IARS1: variants seen among roughly 807,000 people sequenced by gnomAD.
IARS1 encodes the protein isoleucine--tRNA ligase, cytoplasmic.
IARS1 carries 124 observed loss-of-function variants against 168.2 expected under a neutral mutation model. That is an observed-to-expected ratio of 0.74 (90% CI 0.64 to 0.86). IARS1 has a LOEUF of 0.86. Ranked by LOEUF, IARS1 falls within the 40% of genes least tolerant of loss-of-function variation. IARS1 has a pLI of 0.00. For synonymous variants in IARS1, 532 were observed against 529.4 expected, an observed-to-expected ratio of 1.00 and a Z score of -0.07; for missense variants, 1,452 against 1,515.8, an observed-to-expected ratio of 0.96 and a Z score of 0.70.
chr9:92,212,382 AT>A, intron 33 of IARS1, among the ~76,000 whole-genome samples: 1 of 152,384 alleles, frequency 6.6e-6, no homozygotes, highest in South Asian at 2.1e-4. Context: ...ATCACTAAAC[AT>A]TTAAAAGTTC....
intron 30 of IARS1, among the ~76,000 whole-genome samples, chr9:92,239,317 T>C (rs1004065518): frequency 2.0e-5 from 3 of 152,198 alleles, no homozygotes; most frequent in Non-Finnish European, 1.5e-5. Flanking sequence ...CTGATTGATA[T>C]GGAATTCTTG....
chr9:92,258,780 T>TC, intron 19 of IARS1, 74 bp downstream of exon 19: 2 of 1,441,688 alleles, frequency 1.4e-6, no homozygotes, highest in Admixed American at 2.4e-5. Context: ...CACACAGAGC[T>TC]CCACCTCACA....
intron 26 of IARS1, among the ~76,000 whole-genome samples, chr9:92,245,539 T>C (rs1251653286): frequency 6.6e-6 from 1 of 152,200 alleles, no homozygotes; most frequent in South Asian, 2.1e-4. Context: ...CTGAGCATCA[T>C]GCCTGTTCAG....
intron 26 of IARS1, among the ~76,000 whole-genome samples, chr9:92,245,873 T>C (rs1349923729): frequency 1.3e-5 from 2 of 151,886 alleles, no homozygotes; most frequent in African/African-American, 4.8e-5. Context: ...TTCACGCCAT[T>C]CCCCGGCCTC....
chr9:92,255,030 A>G (rs1396410518), intron 20 of IARS1, among the ~76,000 whole-genome samples: 1 of 152,150 alleles, frequency 6.6e-6, no homozygotes, highest in Non-Finnish European at 1.5e-5. Flanking sequence ...TGTATCACTC[A>G]GGAGGGAAAA....
At chr9:92,272,755 G>A (rs960856957) in intron 10 of IARS1, among the ~76,000 whole-genome samples, 1 of 151,892 alleles carries the variant, frequency 6.6e-6, no homozygotes, top group Non-Finnish European at 1.5e-5. Context: ...GCAGGCTGAG[G>A]CAGGAGAATC....
At position 92,277,052 on chromosome 9, in the gene IARS1, A is replaced by AAAAC. The variant is rs147342512; in HGVS notation, c.894+807_894+810dup. On this transcript the variant is annotated intron_variant, in intron 9 of 33. Coordinates refer to ENST00000443024, the MANE Select transcript of IARS1 (RefSeq NM_002161.6). The stretch of plus-strand genomic sequence containing the variant: ...CTGTGATTACTATCTTAACTTTGTC[A>AAAAC]AAACAAACAAACAAACAAAAACCTC... Among the ~76,000 whole-genome samples, 8 of 152,290 alleles carry AAAAC rather than the reference A, an allele frequency of 5.3e-5. No homozygotes were observed. The East Asian group carries it at 7.7e-4, about 15-fold the overall frequency.
intron 30 of IARS1, among the ~76,000 whole-genome samples, chr9:92,230,112 C>A (rs936427496): frequency 6.0e-5 from 9 of 151,236 alleles, no homozygotes; most frequent in Admixed American, 5.9e-4. Context: ...AATTTCTTTT[C>A]TTTTCTTTTT....
rs1329377418 is a variant in IARS1 at position 92,229,065 on chromosome 9, C to A, written c.3345G>T (p.Lys1115Asn). 4 of 1,613,950 alleles carry A rather than the reference C, an allele frequency of 2.5e-6. No individual in the cohort carries two copies. The African/African-American group carries it at 5.3e-5, about 22-fold the overall frequency. The part of the protein sequence containing the change: ...GDNRLDLLKL[K>N]SVVTSIFGVK... Reference sequence around the variant, plus strand: ...CACCAAAAATGCTAGTGACAACACTCTTCAGCTTTAAAAGGTCCAACCTAT... The same window carrying A: ...CACCAAAAATGCTAGTGACAACACTATTCAGCTTTAAAAGGTCCAACCTAT... The change falls in exon 31 of 34, where the codon AAG (lysine) becomes AAT (asparagine). Residue 1115 changes from lysine to asparagine, a missense_variant. Physicochemically the swap from Lys to Asn is moderately conservative, Grantham distance 94. Transcript: ENST00000443024.
chr9:92,229,026 C>G lies in IARS1; in HGVS notation c.3384G>C (p.Glu1128Asp), dbSNP rs1244523494. The G allele has an allele frequency of 6.2e-7, 1 of 1,614,114 alleles. No individual in the cohort carries two copies. The highest frequency in any genetic ancestry group is 1.7e-5 in the Admixed American group (1 of 60,022). Residue 1128 changes from glutamate to aspartate, a missense_variant, in exon 31 of 34, where the codon GAG (glutamate) becomes GAC (aspartate). Coordinates refer to ENST00000443024, the MANE Select transcript of IARS1 (RefSeq NM_002161.6). ...CTGTTTCATCATGGAAGACAGCCAG[C>G]TCTGTATTTTTCACACCAAAAATGC... is the stretch of plus-strand genomic sequence containing the variant. The part of the protein sequence containing the change: ...VTSIFGVKNT[E>D]LAVFHDETEI...
intron 33 of IARS1, among the ~76,000 whole-genome samples, chr9:92,215,762 T>C (rs1838567562): frequency 6.6e-6 from 1 of 151,620 alleles, no homozygotes; most frequent in Non-Finnish European, 1.5e-5. Context: ...CCAAGAAATA[T>C]GGGACTATGT....
In IARS1 at chr9:92,277,918, GGAAATCTAGAAAA is replaced by G; in HGVS notation, c.834-8_838del. On this transcript the variant is annotated splice_acceptor_variant and splice_polypyrimidine_tract_variant and coding_sequence_variant and intron_variant, in exon 9 of 34. Transcript: ENST00000443024. LOFTEE classifies it high-confidence loss of function. Reference sequence around the variant, plus strand: ...CTTCTTGCCTTTAAGATAGGCACCAGGAAATCTAGAAAAGGAGAAAGGCAAACTCACAATTAGA... The same window carrying G: ...CTTCTTGCCTTTAAGATAGGCACCAGGGAGAAAGGCAAACTCACAATTAGA... 1 of 1,613,588 alleles carries G rather than the reference GGAAATCTAGAAAA, an allele frequency of 6.2e-7. No homozygotes were observed. Among genetic ancestry groups the G allele is most frequent in the Non-Finnish European group, 8.5e-7 (1 of 1,179,734 alleles).
intron 27 of IARS1, among the ~76,000 whole-genome samples, chr9:92,243,885 T>C (rs974509379): frequency 2.6e-5 from 4 of 152,248 alleles, no homozygotes; most frequent in Non-Finnish European, 5.9e-5. Context: ...TTCTGAAGGT[T>C]GCTGATTATG....
chr9:92,257,370 G>C (rs1016147941), intron 19 of IARS1, among the ~76,000 whole-genome samples: 1 of 152,186 alleles, frequency 6.6e-6, no homozygotes, highest in East Asian at 1.9e-4. Flanking sequence ...CTCTTCCTCT[G>C]TGTTTAAGGC....
chr9:92,274,549 G>A, intron 9 of IARS1, 28 bp from the exon 10 acceptor site: 2 of 1,498,890 alleles, frequency 1.3e-6, no homozygotes, highest in Non-Finnish European at 1.9e-6. Flanking sequence ...CAGGCTTCAG[G>A]GATGAAACAT....
chr9:92,217,568 G>A (rs1177180519), intron 33 of IARS1, among the ~76,000 whole-genome samples: 11 of 150,508 alleles, frequency 7.3e-5, no homozygotes, highest in South Asian at 2.1e-4. Flanking sequence ...TCAAATAGAC[G>A]CAATACAAAA....
chr9:92,242,659 TG>T, intron 28 of IARS1: 1 of 257,804 alleles, frequency 3.9e-6, no homozygotes, highest in Admixed American at 5.0e-5. Flanking sequence ...ACTCATCTGC[TG>T]GAACAGCCTC....
At position 92,247,490 on chromosome 9, in the gene IARS1, C is replaced by T. The variant is rs760595989; in HGVS notation, c.2678G>A (p.Arg893Lys). ...TDKNKYGIRL[R>K]AEPDHMVLGK... ...CAGGACCATGTGATCTGGTTCTGCCCTTAGCCGAATGCCATACTTGTTTTT... is the reference window on the plus strand; with the variant it reads ...CAGGACCATGTGATCTGGTTCTGCCTTTAGCCGAATGCCATACTTGTTTTT... The change falls in exon 26 of 34, where the codon AGG becomes AAG. Residue 893 changes from arginine (R) to lysine (K), a missense_variant. Transcript: ENST00000443024. The T allele has an allele frequency of 3.1e-6, 5 of 1,614,026 alleles. No homozygotes were observed. Among genetic ancestry groups the T allele is most frequent in the South Asian group, 1.1e-5 (1 of 91,078 alleles).
At chr9:92,282,416 C>A (rs1834731831) in intron 6 of IARS1, among the ~76,000 whole-genome samples, 2 of 152,030 alleles carry the variant, frequency 1.3e-5, no homozygotes, top group African/African-American at 4.8e-5. Flanking sequence ...ATTCTCCTGC[C>A]TCGGTTTCCT....
Sources: gnomAD v4.1 joint callset for allele counts (sites outside exome capture counted in the v4.1 genomes callset) on GRCh38, gnomAD v4.1.1 for gene constraint, MANE v1.5 for transcripts, NCBI Gene and HGNC (gene_info 2026-07-23, HGNC 2026-07-21) for gene names.